Variants in CAGE1 observed in about 807,000 individuals in gnomAD.
CAGE1 encodes cancer-associated gene 1 protein.
In CAGE1, 66 loss-of-function variants were observed where a neutral mutation model predicts 94.9. The observed-to-expected ratio is 0.70, with a 90% confidence interval of 0.57 to 0.85. The LOEUF is 0.85. Among genes scored for constraint, CAGE1 ranks in the 40% least tolerant of loss-of-function variants. The probability of loss-of-function intolerance (pLI) is 0.00; values close to 1 mark genes in which losing one functional copy is unlikely to be tolerated. For synonymous variants in CAGE1, 319 were observed against 321.0 expected (o/e 0.99, Z 0.07); for missense variants, 865 against 950.4 (o/e 0.91, Z 1.18).
At chr6:7,357,773 T>G (rs1192179527) in intron 9 of CAGE1, among the ~76,000 whole-genome samples, 1 of 151,648 alleles carries the variant, frequency 6.6e-6, no homozygotes, top group Non-Finnish European at 1.5e-5. Flanking sequence ...TGGTAAATTT[T>G]TGTTGTTGTT....
At chr6:7,328,932 A>ATTTTTT (rs556084338) in intron 13 of CAGE1, among the ~76,000 whole-genome samples, 11 of 103,592 alleles carry the variant, frequency 1.1e-4, no homozygotes, top group African/African-American at 3.8e-4. Context: ...ATATATATAT[A>ATTTTTT]TATTTTTTTT....
chr6:7,358,424 T>C (rs1200655416), intron 9 of CAGE1, among the ~76,000 whole-genome samples: 2 of 152,228 alleles, frequency 1.3e-5, no homozygotes, highest in African/African-American at 4.8e-5. Context: ...ACAATGTATT[T>C]ACCCATTCAC....
chr6:7,361,355 G>A (rs533665868), intron 9 of CAGE1, among the ~76,000 whole-genome samples: 240 of 152,272 alleles, frequency 1.6e-3, no homozygotes, highest in Non-Finnish European at 2.8e-3. Flanking sequence ...GTTCCAAGCA[G>A]CAGCTTTCAC....
chr6:7,331,462 C>A (rs1758750969), intron 12 of CAGE1: 3 of 457,246 alleles, frequency 6.6e-6, no homozygotes, highest in Admixed American at 3.3e-5. Flanking sequence ...GAACCAGCCA[C>A]TCCTAATGTT....
At chr6:7,329,002 G>A in intron 13 of CAGE1, 1 of 176,272 alleles carries the variant, frequency 5.7e-6, no homozygotes, top group Non-Finnish European at 1.2e-5. Context: ...TAAGATCTTG[G>A]CTCACTGCAA....
chr6:7,342,770 A>G (rs1759233504), intron 11 of CAGE1, among the ~76,000 whole-genome samples: 1 of 152,110 alleles, frequency 6.6e-6, no homozygotes, highest in Middle Eastern at 3.2e-3. Flanking sequence ...TAGGATTTTT[A>G]TGGTTTCAGG....
rs750118868 is a variant in CAGE1, at chr6:7,326,941, GACTA to G, written c.2479-46_2479-43del. On this transcript the variant is annotated intron_variant, in intron 13 of 13. Transcript: ENST00000502583. ...AAATGTTTCGTAAGTTTTGGGGAAA[GACTA>G]ACATTCAGTGACAGAACCCCTAAAC... 5 of 1,499,124 alleles carry G rather than the reference GACTA, an allele frequency of 3.3e-6. No individual in the cohort carries two copies. In the South Asian group the frequency reaches 4.5e-5, roughly 14 times the overall value. 92.9% of individuals were successfully genotyped at this position (1,499,124 alleles called of 1,614,324 possible). A position where few individuals can be genotyped will look rare whatever the true frequency, so the allele number is the denominator to read the frequency against.
Position 7,374,094 on chromosome 6 carries a change from T to C in CAGE1, c.725A>G (p.Glu242Gly), listed in dbSNP as rs1760652227. 3 of 1,613,308 alleles carry C rather than the reference T, an allele frequency of 1.9e-6. No homozygotes were observed. The stretch of plus-strand genomic sequence containing the variant: ...ATAACTGACTGACATCTCAGGAATC[T>C]CCCCATAATTCTGTATTTCTTTTGA... ...VPSKEIQNYG[E>G]IPEMSVSYEK... is the part of the protein sequence containing the mutation. Residue 242 changes from glutamate to glycine, a missense_variant, in exon 5 of 14, where the codon GAG (glutamate) becomes GGG (glycine). Coordinates refer to ENST00000502583, the MANE Select transcript of CAGE1 (RefSeq NM_001170692.2).
intron 9 of CAGE1, among the ~76,000 whole-genome samples, chr6:7,358,035 TATATATATATA>T (rs1760029161): frequency 2.8e-4 from 12 of 42,934 alleles, no homozygotes; most frequent in African/African-American, 1.8e-3. Flanking sequence ...GAGATATATA[TATATATATATA>T]TATATATATA....
chr6:7,343,102 T>C (rs1324169663), intron 11 of CAGE1, among the ~76,000 whole-genome samples: 3 of 150,644 alleles, frequency 2.0e-5, no homozygotes, highest in African/African-American at 7.3e-5. Flanking sequence ...GGCAGGAGAA[T>C]CGCTTGAACC....
chr6:7,383,208 C>A (rs889384194), intron 3 of CAGE1, among the ~76,000 whole-genome samples: 2 of 152,222 alleles, frequency 1.3e-5, no homozygotes, highest in African/African-American at 2.4e-5. Flanking sequence ...TCGAGGCCTT[C>A]CCAGTCATGT....
At chr6:7,330,786 C>G (rs1001820178) in intron 12 of CAGE1, among the ~76,000 whole-genome samples, 1 of 152,184 alleles carries the variant, frequency 6.6e-6, no homozygotes, top group East Asian at 1.9e-4. Flanking sequence ...TTTGAGAGCT[C>G]TTCTGCCCAT....
intron 11 of CAGE1, among the ~76,000 whole-genome samples, chr6:7,345,136 T>TG (rs1561851675): frequency 2.4e-5 from 1 of 42,032 alleles, no homozygotes; most frequent in Non-Finnish European, 4.3e-5. Context: ...TCCATATTGC[T>TG]TTTAGGAGCT....
chr6:7,339,965 TCTA>T lies in CAGE1; in HGVS notation c.2370-5878_2370-5876del, dbSNP rs1759105537. Among the ~76,000 whole-genome samples the T allele has an allele frequency of 1.3e-5, 2 of 152,364 alleles. No homozygotes were observed. The highest frequency in any genetic ancestry group is 4.1e-4 in the South Asian group (2 of 4,826). ...TGGGATTTCTGGATCAAATGGTAGT[TCTA>T]CTTTTAGTTCTTTAAAGACTTTCCA... On this transcript the variant is annotated intron_variant, in intron 11 of 13. Coordinates refer to ENST00000502583, the MANE Select transcript of CAGE1 (RefSeq NM_001170692.2). The surrounding 1 kb of genome is among the most constrained non-coding windows in gnomAD (Gnocchi z 4.7).
At position 7,333,978 on chromosome 6, in the gene CAGE1, T is replaced by C. The variant is rs567945781; in HGVS notation, c.2438+44A>G. 3.3e-5 allele frequency: 43 copies of C among 1,290,386 alleles called. No homozygotes were observed. In the Admixed American group the frequency reaches 7.7e-4, roughly 23 times the overall value. The allele number at this position is 1,290,386 out of a possible 1,614,324, so 79.9% of individuals were successfully genotyped here. On this transcript the variant is annotated intron_variant, in intron 12 of 13. Transcript: ENST00000502583. ...CCACCGCACTTGGCCATATTACCTA[T>C]ATTTTAAAGACATTATTAATTTTAA...
intron 11 of CAGE1, among the ~76,000 whole-genome samples, chr6:7,349,176 C>T (rs1296248223): frequency 6.6e-6 from 1 of 152,150 alleles, no homozygotes; most frequent in Non-Finnish European, 1.5e-5. Flanking sequence ...ACCAGGTAAC[C>T]TATAAAGGAA....
chr6:7,366,562 C>T (rs1760343882), intron 7 of CAGE1, among the ~76,000 whole-genome samples: 1 of 152,114 alleles, frequency 6.6e-6, no homozygotes. Context: ...GTGAACAGCT[C>T]CTGATAAAAA....
chr6:7,379,584 AGAT>A (rs2113466109), intron 3 of CAGE1, among the ~76,000 whole-genome samples: 1 of 152,358 alleles, frequency 6.6e-6, no homozygotes, highest in African/African-American at 2.4e-5. Context: ...CAAATTATGC[AGAT>A]GTAATGTTTT....
At chr6:7,381,145 A>G (rs577461891) in intron 3 of CAGE1, among the ~76,000 whole-genome samples, 174 of 152,294 alleles carry the variant, frequency 1.1e-3, no homozygotes, top group Non-Finnish European at 1.9e-3. Context: ...CCCAAAATTC[A>G]TATGCTGAAG....
Sources: allele counts gnomAD v4.1 joint callset (sites outside exome capture counted in the v4.1 genomes callset), GRCh38; gene constraint gnomAD v4.1.1; non-coding constraint Gnocchi (gnomAD v3.1); transcripts MANE v1.5; gene names NCBI Gene and HGNC (gene_info 2026-07-23, HGNC 2026-07-21).